The following CPEB2 variants were observed in gnomAD, a reference collection of about 807,000 sequenced individuals.
CPEB2 encodes the protein cytoplasmic polyadenylation element binding protein 2, also known as cytoplasmic polyadenylation element-binding protein 2.
Under a neutral mutation model 93.6 loss-of-function variants are expected in CPEB2, and 56 were observed. The observed-to-expected ratio is 0.60, with a 90% confidence interval of 0.48 to 0.75. The LOEUF (loss-of-function observed/expected upper bound fraction) is 0.75, where lower values mean the gene tolerates loss of function less well. Among genes scored for constraint, CPEB2 ranks in the 30% least tolerant of loss-of-function variants. The pLI, the probability that CPEB2 is intolerant of heterozygous loss-of-function variation, is 0.00. For missense variants in CPEB2, 1,579 were observed against 1,395.1 expected (o/e 1.13, Z -2.10); for synonymous variants, 764 against 586.3 (o/e 1.30, Z -4.38).
intron 5 of CPEB2, among the ~76,000 whole-genome samples, chr4:15,034,653 CATCAGGAAAAGAAACA>C (rs1285756289): frequency 6.6e-6 from 1 of 152,098 alleles, no homozygotes. Flanking sequence ...AATGTGTTTA[CATCAGGAAAAGAAACA>C]ATTTGATCCA....
chr4:15,069,738 G>T lies in CPEB2; in HGVS notation c.*3358G>T, dbSNP rs1445468616. The T allele has an allele frequency of 6.6e-6, 1 of 152,030 alleles. No individual in the cohort carries two copies. Among genetic ancestry groups the T allele is most frequent in the African/African-American group, 2.4e-5 (1 of 41,334 alleles). The allele number at this position is 152,030 out of a possible 1,614,324, so 9.4% of individuals were successfully genotyped here. A position where few individuals can be genotyped will look rare whatever the true frequency, so the allele number is the denominator to read the frequency against. ...AATTATTTTTGGAGCTGAAATCTTTGTAATATTAAAGCAACTAGTTTCTAA... is the reference window on the plus strand; with the variant it reads ...AATTATTTTTGGAGCTGAAATCTTTTTAATATTAAAGCAACTAGTTTCTAA... On this transcript the variant is annotated 3_prime_UTR_variant, in exon 12 of 12. Transcript: ENST00000538197.
chr4:15,046,705 G>T lies in CPEB2; in HGVS notation c.2201-5709G>T, dbSNP rs184392314. ...AAGTCTTTTGCTCATTTTTAATTGG[G>T]TCATTTTTCTTCATTTATGGGAGTT... On this transcript the variant is annotated intron_variant, in intron 6 of 11. Coordinates refer to ENST00000538197, the MANE Select transcript of CPEB2 (RefSeq NM_001177382.2). Among the ~76,000 whole-genome samples the T allele has an allele frequency of 4.0e-3, 613 of 152,066 alleles. 3 individuals are homozygous for T. Among genetic ancestry groups the T allele is most frequent in the Non-Finnish European group, 6.4e-3 (437 of 67,978 alleles).
intron 4 of CPEB2, chr4:15,017,784 A>G (rs1015276124): frequency 1.3e-5 from 2 of 151,862 alleles, no homozygotes; most frequent in Admixed American, 1.3e-4. Context: ...AATTAGGGAA[A>G]AGAACCGGCC....
In CPEB2 at chr4:15,003,112, C is replaced by CCGT; in HGVS notation, c.440_441insGTC (p.Ser151dup). 6.5e-7 allele frequency: 1 copy of CCGT among 1,533,132 alleles called. No homozygotes were observed. The highest frequency in any genetic ancestry group is 8.7e-7 in the Non-Finnish European group (1 of 1,145,784). 95.0% of individuals were successfully genotyped at this position (1,533,132 alleles called of 1,614,324 possible). A position where few individuals can be genotyped will look rare whatever the true frequency, so the allele number is the denominator to read the frequency against. ...GGACTTCAAACCGAGTCTGCACCAC[C>CCGT]CCTCCTCCTCCTCCGCCTCCTCCTG... On this transcript the variant is annotated inframe_insertion, in exon 1 of 12. Coordinates refer to ENST00000538197, the MANE Select transcript of CPEB2 (RefSeq NM_001177382.2).
intron 6 of CPEB2, among the ~76,000 whole-genome samples, chr4:15,045,329 T>G (rs1413635833): frequency 1.3e-5 from 2 of 152,210 alleles, no homozygotes; most frequent in Non-Finnish European, 2.9e-5. Context: ...TTCATATGTA[T>G]GTATCAGTGC....
At chr4:15,065,616 A>G (rs1310753618) in intron 11 of CPEB2, among the ~76,000 whole-genome samples, 1 of 152,120 alleles carries the variant, frequency 6.6e-6, no homozygotes, top group African/African-American at 2.4e-5. Flanking sequence ...TGTTCTGCCA[A>G]GTCAGACCTT....
intron 6 of CPEB2, among the ~76,000 whole-genome samples, chr4:15,047,494 T>C (rs1727822936): frequency 1.3e-5 from 2 of 152,276 alleles, no homozygotes; most frequent in South Asian, 4.1e-4. Context: ...AGTTTATTTG[T>C]CAGTATTTGG....
At chr4:15,036,530 T>TA (rs935587707) in intron 5 of CPEB2, among the ~76,000 whole-genome samples, 17 of 151,710 alleles carry the variant, frequency 1.1e-4, no homozygotes, top group African/African-American at 3.1e-4. Flanking sequence ...ATCAGTAGTT[T>TA]AAAAAAAAAC....
chr4:15,043,058 C>G (rs1727335223), intron 6 of CPEB2, among the ~76,000 whole-genome samples: 1 of 152,136 alleles, frequency 6.6e-6, no homozygotes. Flanking sequence ...CAGTTATTTT[C>G]ACAGGACATT....
chr4:15,048,308 A>C (rs980995763), intron 6 of CPEB2, among the ~76,000 whole-genome samples: 1 of 151,968 alleles, frequency 6.6e-6, no homozygotes, highest in East Asian at 1.9e-4. Flanking sequence ...CTTCTTCAAA[A>C]GTCTAGTTCA....
chr4:15,015,209 G>A (rs1341037071), intron 3 of CPEB2, among the ~76,000 whole-genome samples: 3 of 152,064 alleles, frequency 2.0e-5, no homozygotes, highest in Non-Finnish European at 2.9e-5. Context: ...TCAGCAGTCT[G>A]TGTGTTTAAC....
At chr4:15,063,408 A>C (rs1006743480) in intron 11 of CPEB2, among the ~76,000 whole-genome samples, 3 of 151,590 alleles carry the variant, frequency 2.0e-5, no homozygotes, top group Non-Finnish European at 4.4e-5. Flanking sequence ...GCTTTTGACA[A>C]GACACGCATA....
At position 15,003,608 on chromosome 4, in the gene CPEB2, G is replaced by A; in HGVS notation, c.935G>A (p.Gly312Asp). 1 of 1,478,334 alleles carries A rather than the reference G, an allele frequency of 6.8e-7. No individual in the cohort carries two copies. 91.6% of individuals were successfully genotyped at this position (1,478,334 alleles called of 1,614,324 possible). The stretch of plus-strand genomic sequence containing the variant: ...TCGACGCCGGTGAACCCCGCGCCGG[G>A]CTCCATGGAGTCCCCCAACCACCCT... ...ASSTPVNPAP[G>D]SMESPNHPLL... Residue 312 changes from glycine to aspartate, a missense_variant, in exon 1 of 12, where the codon GGC becomes GAC. Physicochemically the swap from Gly to Asp is moderately conservative, Grantham distance 94. Coordinates refer to ENST00000538197, the MANE Select transcript of CPEB2 (RefSeq NM_001177382.2).
Position 15,003,902 on chromosome 4 carries a change from A to AGCAGCCGCCCCAGCC in CPEB2, c.1238_1252dup (p.Pro413_Pro417dup). On this transcript the variant is annotated inframe_insertion, in exon 1 of 12. Coordinates refer to ENST00000538197, the MANE Select transcript of CPEB2 (RefSeq NM_001177382.2). ...CCGCAGCAGCAGCCGCCGCCACCCC[A>AGCAGCCGCCCCAGCC]GCAGCCGCCCCAGCCGCAGCCGCAG... The AGCAGCCGCCCCAGCC allele has an allele frequency of 1.1e-6, 1 of 904,462 alleles. No homozygotes were observed. The highest frequency in any genetic ancestry group is 1.4e-6 in the Non-Finnish European group (1 of 693,592). 56.0% of individuals were successfully genotyped at this position (904,462 alleles called of 1,614,324 possible). A position where few individuals can be genotyped will look rare whatever the true frequency, so the allele number is the denominator to read the frequency against.
intron 3 of CPEB2, among the ~76,000 whole-genome samples, chr4:15,013,498 T>C (rs1723747220): frequency 6.6e-6 from 1 of 152,060 alleles, no homozygotes; most frequent in Non-Finnish European, 1.5e-5. Context: ...TTGCCTTAGT[T>C]CTTCTATTTA....
intron 6 of CPEB2, among the ~76,000 whole-genome samples, chr4:15,043,865 G>A (rs1338674764): frequency 6.6e-6 from 1 of 152,030 alleles, no homozygotes; most frequent in Admixed American, 6.5e-5. Flanking sequence ...ATGATGGAAA[G>A]GTTAATTAGA....
At chr4:15,025,029 G>A (rs990886546) in intron 4 of CPEB2, among the ~76,000 whole-genome samples, 1 of 152,022 alleles carries the variant, frequency 6.6e-6, no homozygotes, top group Non-Finnish European at 1.5e-5. Flanking sequence ...ACAGGCATGA[G>A]CCACCATGCC....
intron 8 of CPEB2, among the ~76,000 whole-genome samples, chr4:15,056,390 G>A (rs1728716941): frequency 6.6e-6 from 1 of 152,146 alleles, no homozygotes; most frequent in Non-Finnish European, 1.5e-5. Context: ...TTACAAGGAT[G>A]GTGTACTTTA....
rs1729961569 is a variant in CPEB2, at chr4:15,069,835, G to T, written c.*3455G>T. Reference sequence around the variant, plus strand: ...GGATTGTAATTATAAATGGTTCTTTGATATGCAAATTAATATTTTCAGTTG... The same window carrying T: ...GGATTGTAATTATAAATGGTTCTTTTATATGCAAATTAATATTTTCAGTTG... On this transcript the variant is annotated 3_prime_UTR_variant, in exon 12 of 12. Coordinates refer to ENST00000538197, the MANE Select transcript of CPEB2 (RefSeq NM_001177382.2). The T allele has an allele frequency of 6.6e-6, 1 of 152,000 alleles. No individual in the cohort carries two copies. The highest frequency in any genetic ancestry group is 1.5e-5 in the Non-Finnish European group (1 of 67,746). The allele number at this position is 152,000 out of a possible 1,614,324, so 9.4% of individuals were successfully genotyped here. A position where few individuals can be genotyped will look rare whatever the true frequency, so the allele number is the denominator to read the frequency against.
Sources: allele counts gnomAD v4.1 joint callset (sites outside exome capture counted in the v4.1 genomes callset), GRCh38; gene constraint gnomAD v4.1.1; transcripts MANE v1.5; gene names NCBI Gene and HGNC (gene_info 2026-07-23, HGNC 2026-07-21).